The following PLXNA4 variants were observed in gnomAD, a reference collection of about 807,000 sequenced individuals.
The protein encoded by PLXNA4 is plexin A4, also known as plexin-A4.
A neutral mutation model predicts 191.8 loss-of-function variants in PLXNA4; 44 were observed. That is an observed-to-expected ratio of 0.23 (90% confidence interval 0.18 to 0.29). The LOEUF (loss-of-function observed/expected upper bound fraction) is 0.29, where lower values mean the gene tolerates loss of function less well. Ranked by LOEUF, PLXNA4 falls within the 10% of genes least tolerant of loss-of-function variation. The pLI is 1.00. For missense variants in PLXNA4, 1,800 were observed against 2,488.8 expected (o/e 0.72, Z 5.89); for synonymous variants, 1,082 against 1,009.5 (o/e 1.07, Z -1.36).
chr7:132,607,364 C>T (rs1405883894), intron 2 of PLXNA4, among the ~76,000 whole-genome samples: 1 of 152,198 alleles, frequency 6.6e-6, no homozygotes, highest in Admixed American at 6.5e-5. Context: ...CCTGGATCTC[C>T]TTTTGCGTCC....
In PLXNA4 at chr7:132,124,339, A is replaced by G. The variant is rs1794713109; in HGVS notation, c.*6140T>C. 1 of 152,204 alleles carries G rather than the reference A, an allele frequency of 6.6e-6. No homozygotes were observed. The highest frequency in any genetic ancestry group is 2.4e-5 in the African/African-American group (1 of 41,438). The allele number at this position is 152,204 out of a possible 1,614,324, so 9.4% of individuals were successfully genotyped here. A position where few individuals can be genotyped will look rare whatever the true frequency, so the allele number is the denominator to read the frequency against. On this transcript the variant is annotated 3_prime_UTR_variant, in exon 32 of 32. Coordinates refer to ENST00000321063, the MANE Select transcript of PLXNA4 (RefSeq NM_020911.2). ...ACAGACAGATGAGCACGTGTATCCC[A>G]TCTTCGTCCTGTGCCTGGATTGCGG...
intron 30 of PLXNA4, among the ~76,000 whole-genome samples, chr7:132,137,949 A>T (rs947035156): frequency 6.7e-6 from 1 of 150,126 alleles, no homozygotes; most frequent in African/African-American, 2.5e-5. Context: ...AAGATGGGTG[A>T]GAGGACAGAT....
intron 28 of PLXNA4, 180 bp from the exon 29 acceptor site, chr7:132,145,468 T>C: frequency 2.5e-6 from 2 of 808,828 alleles, no homozygotes; most frequent in Non-Finnish European, 1.9e-6. Flanking sequence ...TCTAACAGCT[T>C]TAAATTTCCC....
At chr7:132,615,633 C>T (rs568204853) in intron 2 of PLXNA4, among the ~76,000 whole-genome samples, 1 of 152,200 alleles carries the variant, frequency 6.6e-6, no homozygotes, top group African/African-American at 2.4e-5. Flanking sequence ...CTGCTCACCT[C>T]CCTGCTCTTC....
At chr7:132,346,777 C>A (rs916416149) in intron 3 of PLXNA4, among the ~76,000 whole-genome samples, 2 of 152,208 alleles carry the variant, frequency 1.3e-5, no homozygotes, top group African/African-American at 2.4e-5. Context: ...CACATACACA[C>A]ACACTTTACT....
In PLXNA4 at chr7:132,241,102, C is replaced by T; in HGVS notation, c.1568G>A (p.Gly523Asp). 2 of 1,613,246 alleles carry T rather than the reference C, an allele frequency of 1.2e-6. No homozygotes were observed. Among genetic ancestry groups the T allele is most frequent in the East Asian group, 2.2e-5 (1 of 44,884 alleles). ...YQSCGECLGS[G>D]DPHCGWCVLH... ...CACACACCAGCCACAGTGGGGGTCG[C>T]CTGAGCCAAGGCACTCGCCGCAGCT... The change falls in exon 5 of 32, where the codon GGC (glycine) becomes GAC (aspartate). Residue 523 changes from glycine (G) to aspartate (D), a missense_variant. Gly to Asp is a moderately conservative substitution (Grantham distance 94, BLOSUM62 -1). This residue lies in a region of PLXNA4 where 1,397 missense variants were observed against 1,880.4 expected (regional missense o/e 0.74). Transcript: ENST00000321063.
chr7:132,644,744 A>T (rs1803832831), intron 2 of PLXNA4, among the ~76,000 whole-genome samples: 1 of 152,208 alleles, frequency 6.6e-6, no homozygotes, highest in Non-Finnish European at 1.5e-5. Flanking sequence ...AGAATATATG[A>T]TGTGCATGCC....
intron 2 of PLXNA4, among the ~76,000 whole-genome samples, chr7:132,601,992 G>A (rs1802830085): frequency 6.6e-6 from 1 of 152,194 alleles, no homozygotes; most frequent in Non-Finnish European, 1.5e-5. Flanking sequence ...GGACAAGTTT[G>A]CCTTTTCTAA....
exon 1 of PLXNA4, chr7:132,648,585 A>G (rs1425010006): frequency 2.0e-5 from 3 of 152,176 alleles, no homozygotes; most frequent in Non-Finnish European, 2.9e-5. Context: ...CCAGCTCCAG[A>G]GGGGAAATAC....
intron 3 of PLXNA4, among the ~76,000 whole-genome samples, chr7:132,475,698 A>G (rs1274332762): frequency 2.0e-5 from 3 of 152,072 alleles, no homozygotes; most frequent in African/African-American, 7.2e-5. Flanking sequence ...GCTGCCGGGA[A>G]GCGAGGTCAG....
intron 2 of PLXNA4, among the ~76,000 whole-genome samples, chr7:132,589,309 G>T (rs951177218): frequency 6.6e-6 from 1 of 152,102 alleles, no homozygotes; most frequent in African/African-American, 2.4e-5. Flanking sequence ...AATTCTTCTT[G>T]ATTCTGATCA....
In PLXNA4 at chr7:132,123,420, C is replaced by G. The variant is rs575994082; in HGVS notation, c.*7059G>C. 21 of 152,174 alleles carry G rather than the reference C, an allele frequency of 1.4e-4. No individual in the cohort carries two copies. Among genetic ancestry groups the G allele is most frequent in the Non-Finnish European group, 2.5e-4 (17 of 68,012 alleles). 9.4% of individuals were successfully genotyped at this position (152,174 alleles called of 1,614,324 possible). On this transcript the variant is annotated 3_prime_UTR_variant, in exon 32 of 32. Coordinates refer to ENST00000321063, the MANE Select transcript of PLXNA4 (RefSeq NM_020911.2). ...TGTTCTGAACTGCAAAATAGGAATG[C>G]CTTATATTTACATACACAGGTATAC...
At chr7:132,287,381 C>T (rs1442582746) in intron 4 of PLXNA4, among the ~76,000 whole-genome samples, 1 of 152,208 alleles carries the variant, frequency 6.6e-6, no homozygotes, top group Non-Finnish European at 1.5e-5. Flanking sequence ...TAAAAGCCTA[C>T]TACGTGCTAG....
At chr7:132,284,541 T>C (rs946331024) in intron 4 of PLXNA4, among the ~76,000 whole-genome samples, 4 of 152,124 alleles carry the variant, frequency 2.6e-5, no homozygotes, top group African/African-American at 4.8e-5. Context: ...GTAGTGGCCC[T>C]AGCCAAAGGC....
At chr7:132,331,536 T>C (rs770918046) in intron 3 of PLXNA4, among the ~76,000 whole-genome samples, 46 of 152,218 alleles carry the variant, frequency 3.0e-4, no homozygotes, top group Admixed American at 2.0e-3. Context: ...TCTCTCTCAA[T>C]TGCTTTCCTC....
intron 30 of PLXNA4, among the ~76,000 whole-genome samples, chr7:132,134,903 A>G (rs918877677): frequency 2.0e-5 from 3 of 152,054 alleles, no homozygotes; most frequent in South Asian, 2.1e-4. Flanking sequence ...GTTCTCTTCG[A>G]GGCCTGTGAC....
At chr7:132,392,810 G>A (rs1481863486) in intron 3 of PLXNA4, among the ~76,000 whole-genome samples, 2 of 152,278 alleles carry the variant, frequency 1.3e-5, no homozygotes, top group East Asian at 1.9e-4. Context: ...CTCAAACCAG[G>A]GAGTAGACAC....
At chr7:132,409,694 C>T (rs2341825) in intron 3 of PLXNA4, among the ~76,000 whole-genome samples, 2 of 152,116 alleles carry the variant, frequency 1.3e-5, no homozygotes, top group Non-Finnish European at 2.9e-5. Context: ...TCTTTCCCAC[C>T]GTTCAGAGAA....
At chr7:132,328,350 C>A (rs958908616) in intron 3 of PLXNA4, among the ~76,000 whole-genome samples, 13 of 152,172 alleles carry the variant, frequency 8.5e-5, no homozygotes, top group Admixed American at 3.3e-4. Flanking sequence ...CACCCTCCCC[C>A]ACCCCATGGT....
Sources: allele counts gnomAD v4.1 joint callset (sites outside exome capture counted in the v4.1 genomes callset), GRCh38; gene constraint gnomAD v4.1.1; regional missense constraint gnomAD v4.1.1; transcripts MANE v1.5; gene names NCBI Gene and HGNC (gene_info 2026-07-23, HGNC 2026-07-21).